Variants in SLC38A1 observed in about 807,000 individuals in gnomAD.
SLC38A1 encodes the protein sodium-coupled neutral amino acid symporter 1.
Under a neutral mutation model 60.3 loss-of-function variants are expected in SLC38A1, and 18 were observed. That is an observed-to-expected ratio of 0.30 (90% CI 0.21 to 0.44). The LOEUF is 0.44. Among genes scored for constraint, SLC38A1 ranks in the 20% least tolerant of loss-of-function variants. The pLI is 1.00. For synonymous variants in SLC38A1, 196 were observed against 212.1 expected, an observed-to-expected ratio of 0.92 and a Z score of 0.66; for missense variants, 448 against 587.2, an observed-to-expected ratio of 0.76 and a Z score of 2.45.
chr12:46,206,209 T>A, intron 8 of SLC38A1, 47 bp from the exon 9 acceptor site: 1 of 1,126,438 alleles, frequency 8.9e-7, no homozygotes, highest in Non-Finnish European at 1.3e-6. Flanking sequence ...AGAAAGTGAC[T>A]TTTTTCCCCT....
chr12:46,235,728 A>G (rs1941237505), intron 3 of SLC38A1, among the ~76,000 whole-genome samples: 1 of 152,214 alleles, frequency 6.6e-6, no homozygotes, highest in South Asian at 2.1e-4. Flanking sequence ...TCCAAAAGAT[A>G]TATAAAGACA....
chr12:46,230,885 T>G (rs1396540596), intron 3 of SLC38A1, among the ~76,000 whole-genome samples: 1 of 152,180 alleles, frequency 6.6e-6, no homozygotes, highest in Non-Finnish European at 1.5e-5. Context: ...TGGAAAACAG[T>G]ATGAAGATTC....
Position 46,239,767 on chromosome 12 carries a change from C to T in SLC38A1, c.34G>A (p.Glu12Lys). ...TCGGGCACTGTCATGTTTTGCAACT[C>T]AGTTAATTCGAGTCCACTTTTGAAA... ...MHFKSGLELT[E>K]LQNMTVPEDD... Residue 12 changes from glutamate to lysine, a missense_variant, in exon 3 of 17, where the codon GAG (glutamate) becomes AAG (lysine). Glu to Lys is a moderately conservative substitution (Grantham distance 56). Coordinates refer to ENST00000398637, the MANE Select transcript of SLC38A1 (RefSeq NM_030674.4). 6.2e-7 allele frequency: 1 copy of T among 1,613,214 alleles called. No individual in the cohort carries two copies. The highest frequency in any genetic ancestry group is 8.5e-7 in the Non-Finnish European group (1 of 1,179,944).
intron 1 of SLC38A1, among the ~76,000 whole-genome samples, 157 bp from the exon 2 acceptor site, chr12:46,243,471 C>T (rs1941512634): frequency 6.6e-6 from 1 of 151,956 alleles, no homozygotes; most frequent in Non-Finnish European, 1.5e-5. Context: ...TACACCATTA[C>T]TGTTGATACT....
At chr12:46,194,125 C>T (rs1179186549) in intron 16 of SLC38A1, among the ~76,000 whole-genome samples, 1 of 152,078 alleles carries the variant, frequency 6.6e-6, no homozygotes. Flanking sequence ...GTAAGGCGAG[C>T]CTGGTGGTGA....
intron 1 of SLC38A1, among the ~76,000 whole-genome samples, chr12:46,250,890 T>C (rs558504385): frequency 1.3e-5 from 2 of 152,150 alleles, no homozygotes; most frequent in Admixed American, 6.5e-5. Context: ...ATAGGAAGAA[T>C]TGATATTGTG....
At chr12:46,228,551 T>C (rs1026507438) in intron 5 of SLC38A1, among the ~76,000 whole-genome samples, 8 of 152,180 alleles carry the variant, frequency 5.3e-5, no homozygotes, top group Non-Finnish European at 8.8e-5. Flanking sequence ...TTCTATCATC[T>C]CTCTTAATCT....
chr12:46,210,813 G>C (rs1246386054), intron 5 of SLC38A1, among the ~76,000 whole-genome samples: 1 of 152,144 alleles, frequency 6.6e-6, no homozygotes, highest in Non-Finnish European at 1.5e-5. Flanking sequence ...CAGCCACGTG[G>C]AACTGTGAGT....
chr12:46,212,248 T>C (rs937107744), intron 5 of SLC38A1, among the ~76,000 whole-genome samples: 2 of 152,226 alleles, frequency 1.3e-5, no homozygotes, highest in Non-Finnish European at 2.9e-5. Context: ...TTTGTACATA[T>C]AATTATGGTT....
intron 1 of SLC38A1, among the ~76,000 whole-genome samples, chr12:46,246,441 ACC>A (rs1941620675): frequency 6.6e-6 from 1 of 152,226 alleles, no homozygotes; most frequent in Admixed American, 6.5e-5. Context: ...CCAGGCAGCA[ACC>A]TGGCAGCGGA....
At chr12:46,234,665 T>C (rs1941198724) in intron 3 of SLC38A1, among the ~76,000 whole-genome samples, 1 of 152,116 alleles carries the variant, frequency 6.6e-6, no homozygotes, top group Admixed American at 6.5e-5. Context: ...GCCAGGATGG[T>C]ATCGATCTCC....
At chr12:46,252,286 A>T (rs1386394428) in intron 1 of SLC38A1, among the ~76,000 whole-genome samples, 1 of 152,156 alleles carries the variant, frequency 6.6e-6, no homozygotes, top group African/African-American at 2.4e-5. Context: ...GCATTGAACA[A>T]TGAGAACAGT....
intron 1 of SLC38A1, among the ~76,000 whole-genome samples, chr12:46,264,402 A>G (rs1440981273): frequency 6.6e-6 from 1 of 152,208 alleles, no homozygotes; most frequent in Non-Finnish European, 1.5e-5. Flanking sequence ...CTTGAAACAG[A>G]GTTACTTACT....
At chr12:46,199,167 TTCAAAC>T (rs1939525539) in intron 13 of SLC38A1, among the ~76,000 whole-genome samples, 1 of 152,058 alleles carries the variant, frequency 6.6e-6, no homozygotes, top group African/African-American at 2.4e-5. Context: ...TGGAGCTTGT[TTCAAAC>T]TCTTCTCTTG....
At chr12:46,240,266 G>A (rs1165565152) in intron 2 of SLC38A1, among the ~76,000 whole-genome samples, 1 of 152,074 alleles carries the variant, frequency 6.6e-6, no homozygotes, top group African/African-American at 2.4e-5. Context: ...GCACAGTCTC[G>A]GCTCACTGCA....
rs533481283 is a variant in SLC38A1 at position 46,190,073 on chromosome 12, G to A, written c.1363-1002C>T. Among the ~76,000 whole-genome samples the A allele has an allele frequency of 4.6e-5, 7 of 152,190 alleles. No individual in the cohort carries two copies. In the South Asian group the frequency reaches 1.5e-3, roughly 32 times the overall value. ...ATTTATATTAGGTATTTCTCGTAAT[G>A]CTATCCCTCCCCGGGCCCCCCACCC... On this transcript the variant is annotated intron_variant, in intron 16 of 16. Coordinates refer to ENST00000398637, the MANE Select transcript of SLC38A1 (RefSeq NM_030674.4).
chr12:46,256,636 C>CACAGAGAGAGAGAGAG (rs142176282), intron 1 of SLC38A1, among the ~76,000 whole-genome samples: 17 of 123,270 alleles, frequency 1.4e-4, no homozygotes, highest in East Asian at 5.2e-4. Flanking sequence ...CACACACACA[C>CACAGAGAGAGAGAGAG]AGAGAGAGAG....
chr12:46,249,611 G>A lies in SLC38A1; in HGVS notation c.-208-6297C>T, dbSNP rs866496773. ...CTAGCAAGACTAATAAAGAAGAAAA[G>A]AGAGAAGAATCAAATAGATGCAATA... On this transcript the variant is annotated intron_variant, in intron 1 of 16. Coordinates refer to ENST00000398637, the MANE Select transcript of SLC38A1 (RefSeq NM_030674.4). 2.6e-5 allele frequency among the ~76,000 whole-genome samples: 4 copies of A among 152,214 alleles called. No individual in the cohort carries two copies. The South Asian group carries it at 8.3e-4, about 32-fold the overall frequency.
rs754434922 is a variant in SLC38A1 at position 46,207,137 on chromosome 12, A to G, written c.563+18T>C. 1 of 1,527,590 alleles carries G rather than the reference A, an allele frequency of 6.5e-7. No homozygotes were observed. Among genetic ancestry groups the G allele is most frequent in the Admixed American group, 1.9e-5 (1 of 51,788 alleles). The allele number at this position is 1,527,590 out of a possible 1,614,324, so 94.6% of individuals were successfully genotyped here. A position where few individuals can be genotyped will look rare whatever the true frequency, so the allele number is the denominator to read the frequency against. On this transcript the variant is annotated intron_variant, in intron 8 of 16. Coordinates refer to ENST00000398637, the MANE Select transcript of SLC38A1 (RefSeq NM_030674.4). ...AAAACATTTTAGTTATATCATAAAAAAATGGTCTATAACTTACGAAAATGT... is the reference window on the plus strand; with the variant it reads ...AAAACATTTTAGTTATATCATAAAAGAATGGTCTATAACTTACGAAAATGT...
Sources: gnomAD v4.1 joint callset for allele counts (sites outside exome capture counted in the v4.1 genomes callset) on GRCh38, gnomAD v4.1.1 for gene constraint, MANE v1.5 for transcripts, NCBI Gene and HGNC (gene_info 2026-07-23, HGNC 2026-07-21) for gene names.